DPYSL2: variants seen among roughly 807,000 people sequenced by gnomAD.
DPYSL2 encodes the protein dihydropyrimidinase like 2.
In DPYSL2, 13 loss-of-function variants were observed where a neutral mutation model predicts 69.9. The observed-to-expected ratio is 0.19, with a 90% CI of 0.12 to 0.30. DPYSL2 has a LOEUF of 0.30. DPYSL2 is among the 10% of genes least tolerant of loss of function. DPYSL2 has a pLI of 1.00. For missense variants in DPYSL2, 587 were observed against 918.9 expected, an observed-to-expected ratio of 0.64 and a Z score of 4.67; for synonymous variants, 326 against 359.1, an observed-to-expected ratio of 0.91 and a Z score of 1.04.
intron 1 of DPYSL2, among the ~76,000 whole-genome samples, chr8:26,574,970 G>A (rs983712241): frequency 2.0e-5 from 3 of 152,152 alleles, no homozygotes; most frequent in African/African-American, 7.2e-5. Context: ...TTTCGCTCTT[G>A]TTGCCCAGGC....
intron 1 of DPYSL2, among the ~76,000 whole-genome samples, chr8:26,531,565 C>T (rs1236505236): frequency 6.6e-6 from 1 of 152,126 alleles, no homozygotes; most frequent in Non-Finnish European, 1.5e-5. Context: ...TATTCTGGGC[C>T]TTAGATGTAA....
chr8:26,622,560 C>A (rs532005073), intron 3 of DPYSL2, among the ~76,000 whole-genome samples: 1 of 151,120 alleles, frequency 6.6e-6, no homozygotes, highest in Non-Finnish European at 1.5e-5. Context: ...TGGAGTGCAG[C>A]GGCACAATCT....
intron 1 of DPYSL2, chr8:26,578,109 T>TA: frequency 1.3e-6 from 2 of 1,518,192 alleles, no homozygotes; most frequent in Non-Finnish European, 1.7e-6. Context: ...TGAAATTTCC[T>TA]AATAGCAAGA....
At chr8:26,528,519 C>T (rs921166079) in intron 1 of DPYSL2, among the ~76,000 whole-genome samples, 16 of 151,672 alleles carry the variant, frequency 1.1e-4, no homozygotes, top group African/African-American at 3.4e-4. Context: ...TGGTGACTTG[C>T]GCCTGTAGCC....
At chr8:26,569,898 T>C (rs2129687289) in intron 1 of DPYSL2, among the ~76,000 whole-genome samples, 1 of 152,116 alleles carries the variant, frequency 6.6e-6, no homozygotes, top group Non-Finnish European at 1.5e-5. Context: ...AGGATGAAGC[T>C]GGAAAGGAAT....
In DPYSL2 at chr8:26,562,154, G is replaced by A. The variant is rs1801081955; in HGVS notation, c.355-19815G>A. 6.6e-6 allele frequency among the ~76,000 whole-genome samples: 1 copy of A among 152,180 alleles called. No homozygotes were observed. Among genetic ancestry groups the A allele is most frequent in the Admixed American group, 6.5e-5 (1 of 15,282 alleles). On this transcript the variant is annotated intron_variant, in intron 1 of 13. Transcript: ENST00000521913. The surrounding 1 kb of genome is among the most constrained non-coding windows in gnomAD (Gnocchi z 4.9). ...CAGAAACAAGAGTGGATAAGAGGAA[G>A]GACACACACTGGTCAGACTGCAGGG... is the stretch of plus-strand genomic sequence containing the variant.
chr8:26,656,088 G>A lies in DPYSL2; in HGVS notation c.*382G>A, dbSNP rs994350702. On this transcript the variant is annotated 3_prime_UTR_variant, in exon 14 of 14. Transcript: ENST00000521913. ...GGGGGGAGGGAAGATAAAGTGAATTGCCCAGAGCTGCCTTTTTCTTTTCTT... is the reference window on the plus strand; with the variant it reads ...GGGGGGAGGGAAGATAAAGTGAATTACCCAGAGCTGCCTTTTTCTTTTCTT... 1 of 181,398 alleles carries A rather than the reference G, an allele frequency of 5.5e-6. No individual in the cohort carries two copies. Among genetic ancestry groups the A allele is most frequent in the African/African-American group, 2.3e-5 (1 of 42,558 alleles). The allele number at this position is 181,398 out of a possible 1,614,324, so 11.2% of individuals were successfully genotyped here.
At chr8:26,519,461 T>C (rs960153148) in intron 1 of DPYSL2, among the ~76,000 whole-genome samples, 1 of 152,244 alleles carries the variant, frequency 6.6e-6, no homozygotes, top group Non-Finnish European at 1.5e-5. Flanking sequence ...GTGATTTATG[T>C]AGCATTATAT....
At chr8:26,529,040 G>A (rs898447704) in intron 1 of DPYSL2, among the ~76,000 whole-genome samples, 6 of 152,184 alleles carry the variant, frequency 3.9e-5, no homozygotes, top group African/African-American at 1.4e-4. Flanking sequence ...AGACATGCCT[G>A]CAGGAGAGTC....
intron 1 of DPYSL2, among the ~76,000 whole-genome samples, chr8:26,567,216 T>G (rs781534908): frequency 6.8e-6 from 1 of 146,230 alleles, no homozygotes; most frequent in Non-Finnish European, 1.5e-5. Context: ...TCTGTCCATC[T>G]ACCCAAGAAT....
chr8:26,634,632 T>A (rs1296880628), intron 7 of DPYSL2, 148 bp from the exon 8 acceptor site: 6 of 1,358,210 alleles, frequency 4.4e-6, no homozygotes, highest in Non-Finnish European at 6.0e-6. Context: ...ACAAGGCAAG[T>A]CATACTCCTT....
rs1173811801 is a variant in DPYSL2 at position 26,626,778 on chromosome 8, C to T, written c.855+100C>T. 39 of 1,268,340 alleles carry T rather than the reference C, an allele frequency of 3.1e-5. No individual in the cohort carries two copies. Among genetic ancestry groups the T allele is most frequent in the Non-Finnish European group, 4.1e-5 (36 of 888,352 alleles). The allele number at this position is 1,268,340 out of a possible 1,614,324, so 78.6% of individuals were successfully genotyped here. On this transcript the variant is annotated intron_variant, in intron 5 of 13. Coordinates refer to ENST00000521913, the MANE Select transcript of DPYSL2 (RefSeq NM_001197293.3). The surrounding 1 kb of genome is among the most constrained non-coding windows in gnomAD (Gnocchi z 4.3). ...TCTCCGATGTATGCATGTTTCCTAGCTTCCTGGGAAGTGGCTGGTGGATGC... is the reference window on the plus strand; with the variant it reads ...TCTCCGATGTATGCATGTTTCCTAGTTTCCTGGGAAGTGGCTGGTGGATGC...
intron 1 of DPYSL2, among the ~76,000 whole-genome samples, chr8:26,522,321 A>G (rs1457193844): frequency 5.3e-5 from 8 of 151,956 alleles, no homozygotes; most frequent in African/African-American, 1.7e-4. Flanking sequence ...ACAAACAAAC[A>G]AACAAACAAA....
At chr8:26,548,564 G>GTAATAATAATAGTAATAA (rs1563382021) in intron 1 of DPYSL2, 2 of 151,820 alleles carry the variant, frequency 1.3e-5, no homozygotes, top group Non-Finnish European at 2.9e-5. Context: ...ACTCCTAACA[G>GTAATAATAATAGTAATAA]TAATAATAAT....
intron 1 of DPYSL2, among the ~76,000 whole-genome samples, chr8:26,538,326 A>G (rs1800628472): frequency 6.6e-6 from 1 of 152,206 alleles, no homozygotes; most frequent in South Asian, 2.1e-4. Flanking sequence ...GGAGTACAAT[A>G]AAGGAACTAT....
At chr8:26,525,299 C>T (rs373412207) in intron 1 of DPYSL2, among the ~76,000 whole-genome samples, 4 of 152,078 alleles carry the variant, frequency 2.6e-5, no homozygotes, top group East Asian at 3.9e-4. Context: ...AAGTTCACTG[C>T]AGCCTCGACC....
In DPYSL2 at chr8:26,616,639, C is replaced by G. The variant is rs1024334957; in HGVS notation, c.629-7504C>G. Among the ~76,000 whole-genome samples, 5 of 152,220 alleles carry G rather than the reference C, an allele frequency of 3.3e-5. 1 individual carries two copies. The highest frequency in any genetic ancestry group is 3.3e-4 in the Admixed American group (5 of 15,286). ...CAGGGAGCAGGGGAAGGTGTGTGCA[C>G]TGACAACAGGAGTTTTAGCATCTGC... is the stretch of plus-strand genomic sequence containing the variant. On this transcript the variant is annotated intron_variant, in intron 3 of 13. Transcript: ENST00000521913.
chr8:26,524,026 G>A (rs1808435382), intron 1 of DPYSL2, among the ~76,000 whole-genome samples: 1 of 152,126 alleles, frequency 6.6e-6, no homozygotes, highest in Non-Finnish European at 1.5e-5. Flanking sequence ...CAATTCTTTC[G>A]AGTGTGTACA....
rs779965882 is a variant in DPYSL2 at position 26,516,923 on chromosome 8, A to T, written c.354+2244A>T. Among the ~76,000 whole-genome samples, 23 of 152,198 alleles carry T rather than the reference A, an allele frequency of 1.5e-4. No individual in the cohort carries two copies. The highest frequency in any genetic ancestry group is 2.8e-4 in the Non-Finnish European group (19 of 68,032). ...AGGCTGTGGCTATACATGTGTTTATATTTATAACAATGTGACTTCCGAAAA... is the reference window on the plus strand; with the variant it reads ...AGGCTGTGGCTATACATGTGTTTATTTTTATAACAATGTGACTTCCGAAAA... On this transcript the variant is annotated intron_variant, in intron 1 of 13. Transcript: ENST00000521913. The surrounding 1 kb of genome is among the most constrained non-coding windows in gnomAD (Gnocchi z 4.8).
Sources: allele counts gnomAD v4.1 joint callset (sites outside exome capture counted in the v4.1 genomes callset), GRCh38; gene constraint gnomAD v4.1.1; non-coding constraint Gnocchi (gnomAD v3.1); transcripts MANE v1.5; gene names NCBI Gene and HGNC (gene_info 2026-07-23, HGNC 2026-07-21).